The following CALN1 variants were observed in gnomAD, a reference collection of about 807,000 sequenced individuals.
The protein encoded by CALN1 is calcium-binding protein 8.
A neutral mutation model predicts 30.6 loss-of-function variants in CALN1; 17 were observed. That is an observed-to-expected ratio of 0.56 (90% CI 0.38 to 0.83). CALN1 has a LOEUF of 0.83. Among genes scored for constraint, CALN1 ranks in the 40% least tolerant of loss-of-function variants. The pLI is 0.00. For missense variants in CALN1, 291 were observed against 354.9 expected, an observed-to-expected ratio of 0.82 and a Z score of 1.45; for synonymous variants, 156 against 131.4, an observed-to-expected ratio of 1.19 and a Z score of -1.28.
chr7:71,822,467 C>T (rs1009035143), intron 5 of CALN1, among the ~76,000 whole-genome samples: 3 of 152,176 alleles, frequency 2.0e-5, no homozygotes, highest in African/African-American at 4.8e-5. Flanking sequence ...AGGCTGGTCT[C>T]GAACTCCCGA....
intron 1 of CALN1, among the ~76,000 whole-genome samples, chr7:72,427,321 T>G (rs1159877316): frequency 1.3e-5 from 2 of 152,120 alleles, no homozygotes; most frequent in African/African-American, 4.8e-5. Flanking sequence ...AAATTTTCCT[T>G]AGCTCAACTA....
At chr7:72,049,978 C>T (rs1802734769) in intron 4 of CALN1, among the ~76,000 whole-genome samples, 1 of 143,466 alleles carries the variant, frequency 7.0e-6, no homozygotes, top group South Asian at 2.2e-4. Flanking sequence ...CCTGGCTATA[C>T]TTTTTTTTTT....
At chr7:71,944,379 G>A (rs1238289277) in intron 5 of CALN1, among the ~76,000 whole-genome samples, 1 of 152,116 alleles carries the variant, frequency 6.6e-6, no homozygotes, top group Non-Finnish European at 1.5e-5. Context: ...TGGATCATCT[G>A]AGGTCAGAGG....
chr7:72,111,332 T>C (rs1051497192), intron 3 of CALN1, among the ~76,000 whole-genome samples: 1 of 152,246 alleles, frequency 6.6e-6, no homozygotes, highest in African/African-American at 2.4e-5. Flanking sequence ...AGAATCAAAG[T>C]TGGCGTTCCC....
At chr7:72,068,791 G>A (rs771598229) in intron 4 of CALN1, among the ~76,000 whole-genome samples, 6 of 152,014 alleles carry the variant, frequency 3.9e-5, no homozygotes, top group Non-Finnish European at 5.9e-5. Flanking sequence ...GCACTGGGCC[G>A]GGCCTCATTT....
intron 5 of CALN1, among the ~76,000 whole-genome samples, chr7:71,973,560 AAT>A (rs1416949302): frequency 1.3e-5 from 2 of 152,206 alleles, no homozygotes; most frequent in African/African-American, 4.8e-5. Context: ...TCTGTGAGCC[AAT>A]ATATGGTTAT....
intron 1 of CALN1, among the ~76,000 whole-genome samples, chr7:72,424,693 C>T (rs1807741105): frequency 6.6e-6 from 1 of 152,000 alleles, no homozygotes; most frequent in Non-Finnish European, 1.5e-5. Flanking sequence ...AACTTCTGAC[C>T]TCGGGAGATC....
At chr7:72,101,066 T>A (rs844714) in intron 4 of CALN1, among the ~76,000 whole-genome samples, 1,520 of 151,762 alleles carry the variant, frequency 0.01, 22 homozygotes, top group African/African-American at 0.035. Context: ...TGGGTTCAAG[T>A]GATTCTCGTG....
At chr7:72,182,045 C>A (rs1314131129) in intron 3 of CALN1, among the ~76,000 whole-genome samples, 1 of 152,166 alleles carries the variant, frequency 6.6e-6, no homozygotes, top group African/African-American at 2.4e-5. Context: ...AGAAGTTAGT[C>A]ATGAATCATT....
intron 2 of CALN1, among the ~76,000 whole-genome samples, chr7:72,282,916 T>C (rs983197273): frequency 6.6e-6 from 1 of 151,802 alleles, no homozygotes; most frequent in Non-Finnish European, 1.5e-5. Flanking sequence ...TAGCCAGGCA[T>C]GGTGGTGGGT....
intron 1 of CALN1, among the ~76,000 whole-genome samples, chr7:72,441,907 G>A (rs1467091043): frequency 6.6e-6 from 1 of 151,848 alleles, no homozygotes; most frequent in Non-Finnish European, 1.5e-5. Context: ...GTGAACCCAG[G>A]ACTGCCCACT....
intron 3 of CALN1, among the ~76,000 whole-genome samples, chr7:72,179,715 C>T (rs1260068846): frequency 6.6e-6 from 1 of 152,156 alleles, no homozygotes; most frequent in East Asian, 1.9e-4. Flanking sequence ...CAATATTTTG[C>T]CACATTTGCT....
the CALN1 span, among the ~76,000 whole-genome samples, chr7:72,484,978 T>G: frequency 6.6e-6 from 1 of 152,196 alleles, no homozygotes; most frequent in African/African-American, 2.4e-5. Flanking sequence ...AAGTGAAAGC[T>G]CTATACTTTC....
chr7:72,340,967 G>A (rs1802353731), intron 2 of CALN1, among the ~76,000 whole-genome samples: 1 of 152,162 alleles, frequency 6.6e-6, no homozygotes, highest in Non-Finnish European at 1.5e-5. Flanking sequence ...GTGGAACTAT[G>A]AGTCCATTAA....
At chr7:72,157,100 A>C (rs1467592418) in intron 3 of CALN1, among the ~76,000 whole-genome samples, 1 of 152,216 alleles carries the variant, frequency 6.6e-6, no homozygotes, top group East Asian at 1.9e-4. Context: ...TGTACAAACC[A>C]ATCGGTTGAG....
intron 3 of CALN1, among the ~76,000 whole-genome samples, chr7:72,167,976 C>T (rs1197252069): frequency 1.3e-5 from 2 of 152,158 alleles, no homozygotes; most frequent in African/African-American, 4.8e-5. Flanking sequence ...ACTTCCTAAG[C>T]ACTCTCAACA....
At chr7:72,360,739 T>A (rs1186609489) in intron 2 of CALN1, among the ~76,000 whole-genome samples, 2 of 150,578 alleles carry the variant, frequency 1.3e-5, no homozygotes. Context: ...CTTAAAAGTA[T>A]AATTTTGAGA....
the CALN1 span, among the ~76,000 whole-genome samples, chr7:72,494,900 C>A: frequency 3.4e-5 from 5 of 148,118 alleles, no homozygotes; most frequent in Non-Finnish European, 1.5e-5. Flanking sequence ...TAAGATTGTT[C>A]CTCTCCATAT....
chr7:72,081,570 G>A (rs755867258), intron 4 of CALN1, among the ~76,000 whole-genome samples: 6 of 151,980 alleles, frequency 3.9e-5, no homozygotes, highest in Non-Finnish European at 7.4e-5. Flanking sequence ...CTACAGGTGT[G>A]CACCACCATG....
Sources: allele counts gnomAD v4.1 joint callset (sites outside exome capture counted in the v4.1 genomes callset), GRCh38; gene constraint gnomAD v4.1.1; transcripts MANE v1.5; gene names NCBI Gene and HGNC (gene_info 2026-07-23, HGNC 2026-07-21).